LOC128462377: variants seen among roughly 807,000 people sequenced by gnomAD.
At chr16:89,363,481 T>TA in the LOC128462377 span, among the ~76,000 whole-genome samples, 73 of 148,108 alleles carry the variant, frequency 4.9e-4, no homozygotes, top group East Asian at 1.2e-3. Flanking sequence ...ATAATAAAAT[T>TA]AAAAAAAAAA....
the LOC128462377 span, among the ~76,000 whole-genome samples, chr16:89,352,211 TGA>T: frequency 4.5e-3 from 677 of 152,114 alleles, 6 homozygotes; most frequent in African/African-American, 0.015. Context: ...TTGAAAAGCA[TGA>T]GACACGTTTC....
the LOC128462377 span, among the ~76,000 whole-genome samples, chr16:89,341,672 G>C: frequency 6.6e-6 from 1 of 152,226 alleles, no homozygotes. Flanking sequence ...TGCAAACGTG[G>C]CTTTAATCCC....
the LOC128462377 span, among the ~76,000 whole-genome samples, chr16:89,339,032 T>A: frequency 6.6e-6 from 1 of 152,190 alleles, no homozygotes; most frequent in East Asian, 1.9e-4. Flanking sequence ...GATGAGTCCA[T>A]CTGCTCGTGA....
chr16:89,327,039 G>GAATGCAGAGGTGGGA, the LOC128462377 span, among the ~76,000 whole-genome samples: 106 of 44,236 alleles, frequency 2.4e-3, no homozygotes, highest in African/African-American at 8.6e-3. Context: ...CAGAGGTGGG[G>GAATGCAGAGGTGGGA]AATGCAGAGG....
the LOC128462377 span, among the ~76,000 whole-genome samples, chr16:89,350,393 C>T: frequency 1.3e-5 from 2 of 152,166 alleles, no homozygotes; most frequent in Non-Finnish European, 2.9e-5. Flanking sequence ...TGACTCCCAA[C>T]AGCTAAAACT....
the LOC128462377 span, among the ~76,000 whole-genome samples, chr16:89,345,773 T>C: frequency 9.0e-3 from 1,363 of 152,232 alleles, 24 homozygotes; most frequent in African/African-American, 0.031. Context: ...GCACACCAGG[T>C]ACATGCTGTG....
the LOC128462377 span, among the ~76,000 whole-genome samples, chr16:89,413,569 G>A: frequency 6.6e-6 from 1 of 152,196 alleles, no homozygotes; most frequent in Non-Finnish European, 1.5e-5. Context: ...AGCTTGCAGT[G>A]AGCCGAGGTC....
the LOC128462377 span, among the ~76,000 whole-genome samples, chr16:89,382,967 A>G: frequency 6.6e-6 from 1 of 152,210 alleles, no homozygotes; most frequent in South Asian, 2.1e-4. Flanking sequence ...CAGCCTCCCG[A>G]GGAGCTGGGA....
the LOC128462377 span, among the ~76,000 whole-genome samples, chr16:89,378,394 T>A: frequency 6.6e-6 from 1 of 152,198 alleles, no homozygotes; most frequent in East Asian, 1.9e-4. Context: ...TTCATCAACG[T>A]GTATGTCAAC....
the LOC128462377 span, among the ~76,000 whole-genome samples, chr16:89,363,449 C>T: frequency 6.7e-6 from 1 of 149,838 alleles, no homozygotes; most frequent in East Asian, 2.0e-4. Flanking sequence ...ACGTTGTGCA[C>T]ATGTACCCTA....
the LOC128462377 span, among the ~76,000 whole-genome samples, chr16:89,394,097 C>A: frequency 9.5e-4 from 144 of 152,274 alleles, no homozygotes; most frequent in African/African-American, 3.2e-3. Flanking sequence ...GAGACTCCAC[C>A]CATCACAGTC....
At chr16:89,409,035 A>G in the LOC128462377 span, among the ~76,000 whole-genome samples, 3 of 152,236 alleles carry the variant, frequency 2.0e-5, no homozygotes, top group Non-Finnish European at 2.9e-5. Flanking sequence ...CCACAGCCAC[A>G]GCAGAGAATT....
chr16:89,323,348 C>A, the LOC128462377 span: 60 of 1,288,422 alleles, frequency 4.7e-5, no homozygotes, highest in African/African-American at 8.5e-4. Context: ...GGAAGAGAAG[C>A]ACCACTGGCC....
chr16:89,372,441 C>T, the LOC128462377 span, among the ~76,000 whole-genome samples: 1 of 152,086 alleles, frequency 6.6e-6, no homozygotes, highest in Non-Finnish European at 1.5e-5. Context: ...GAGTGAGAGG[C>T]GGCTCAGGGC....
At chr16:89,378,765 T>C in the LOC128462377 span, among the ~76,000 whole-genome samples, 1 of 152,224 alleles carries the variant, frequency 6.6e-6, no homozygotes, top group Non-Finnish European at 1.5e-5. Flanking sequence ...CTGTGTATTT[T>C]AGTAGAGACG....
chr16:89,379,605 G>A, the LOC128462377 span, among the ~76,000 whole-genome samples: 1 of 152,168 alleles, frequency 6.6e-6, no homozygotes, highest in Non-Finnish European at 1.5e-5. Flanking sequence ...CAGCCTCCTG[G>A]CTCCAACTTG....
At chr16:89,322,522 AG>A in the LOC128462377 span, among the ~76,000 whole-genome samples, 1 of 152,252 alleles carries the variant, frequency 6.6e-6, no homozygotes, top group Non-Finnish European at 1.5e-5. Flanking sequence ...GGAGGAAGAC[AG>A]GAAGTCAGCA....
chr16:89,394,622 C>G, the LOC128462377 span, among the ~76,000 whole-genome samples: 1 of 125,364 alleles, frequency 8.0e-6, no homozygotes, highest in South Asian at 2.6e-4. Context: ...AAGCAAAACT[C>G]TGTCTCCAAA....
chr16:89,380,604 GC>G, the LOC128462377 span, among the ~76,000 whole-genome samples: 1 of 152,196 alleles, frequency 6.6e-6, no homozygotes, highest in Non-Finnish European at 1.5e-5. Context: ...TTTGTGTAAT[GC>G]CAAACAGGTC....
Sources: allele counts gnomAD v4.1 joint callset (sites outside exome capture counted in the v4.1 genomes callset), GRCh38; gene constraint gnomAD v4.1.1; transcripts MANE v1.5.